RAD51B: variants seen among roughly 807,000 people sequenced by gnomAD.
RAD51B encodes the protein RAD51 paralog B, also known as DNA repair protein RAD51 homolog 2.
In RAD51B, 38 loss-of-function variants were observed where a neutral mutation model predicts 42.2. The observed-to-expected ratio is 0.90, with a 90% CI of 0.70 to 1.18. RAD51B has a LOEUF of 1.18. RAD51B is among the 50% of genes most tolerant of loss of function. The pLI is 0.00. For synonymous variants in RAD51B, 154 were observed against 145.2 expected (o/e 1.06, Z -0.43); for missense variants, 373 against 400.7 (o/e 0.93, Z 0.59).
chr14:68,243,583 G>A (rs1159116179), intron 7 of RAD51B, among the ~76,000 whole-genome samples: 2 of 152,110 alleles, frequency 1.3e-5, no homozygotes, highest in Admixed American at 6.5e-5. Context: ...CTGTGGGTAT[G>A]GTTTGGAGCC....
intron 7 of RAD51B, among the ~76,000 whole-genome samples, chr14:68,082,243 A>C (rs142259161): frequency 1.5e-4 from 23 of 152,260 alleles, no homozygotes; most frequent in African/African-American, 5.1e-4. Context: ...TATAGATGTG[A>C]GCCACTGCGC....
intron 10 of RAD51B, among the ~76,000 whole-genome samples, chr14:68,636,265 A>C (rs564244019): frequency 6.6e-6 from 1 of 152,144 alleles, no homozygotes; most frequent in East Asian, 1.9e-4. Flanking sequence ...GGACATTCAG[A>C]TAAGTGTTCA....
At chr14:67,871,899 A>G (rs1356476174) in intron 5 of RAD51B, among the ~76,000 whole-genome samples, 1 of 152,128 alleles carries the variant, frequency 6.6e-6, no homozygotes, top group Non-Finnish European at 1.5e-5. Flanking sequence ...CCTTCATGCT[A>G]AAAACTCTCA....
intron 7 of RAD51B, among the ~76,000 whole-genome samples, chr14:67,976,832 T>A (rs2075004593): frequency 6.6e-6 from 1 of 152,176 alleles, no homozygotes; most frequent in Admixed American, 6.5e-5. Context: ...AGAGGGCTAA[T>A]ATCCAGAATC....
chr14:68,554,698 G>C (rs1402626047), intron 10 of RAD51B, among the ~76,000 whole-genome samples: 1 of 151,624 alleles, frequency 6.6e-6, no homozygotes, highest in Non-Finnish European at 1.5e-5. Flanking sequence ...GTTTCTTTTT[G>C]TTTTCTCTAC....
chr14:68,447,301 C>A (rs1269704323), intron 9 of RAD51B, among the ~76,000 whole-genome samples: 2 of 152,076 alleles, frequency 1.3e-5, no homozygotes, highest in Non-Finnish European at 2.9e-5. Flanking sequence ...ATAATGAGAA[C>A]CTGTATTGTT....
chr14:68,372,450 G>A (rs2083284031), intron 8 of RAD51B, among the ~76,000 whole-genome samples: 1 of 152,084 alleles, frequency 6.6e-6, no homozygotes, highest in Admixed American at 6.5e-5. Flanking sequence ...GGAGAGGAAA[G>A]GATAGGTAAC....
intron 11 of RAD51B, among the ~76,000 whole-genome samples, chr14:68,677,410 C>A (rs148078929): frequency 6.6e-6 from 1 of 152,170 alleles, no homozygotes; most frequent in Non-Finnish European, 1.5e-5. Flanking sequence ...CATACGTGCT[C>A]CCTCCAGTAT....
At chr14:68,578,891 T>C (rs2140054673) in intron 10 of RAD51B, among the ~76,000 whole-genome samples, 1 of 152,282 alleles carries the variant, frequency 6.6e-6, no homozygotes, top group Non-Finnish European at 1.5e-5. Context: ...ATATCAAGGG[T>C]TCAGGGGGCT....
intron 8 of RAD51B, among the ~76,000 whole-genome samples, chr14:68,314,619 A>G (rs2082021407): frequency 6.6e-6 from 1 of 152,140 alleles, no homozygotes; most frequent in African/African-American, 2.4e-5. Flanking sequence ...CCATGGTGCC[A>G]CTTCATTTCA....
At chr14:68,217,745 A>G (rs1175675638) in intron 7 of RAD51B, among the ~76,000 whole-genome samples, 1 of 152,260 alleles carries the variant, frequency 6.6e-6, no homozygotes, top group Admixed American at 6.5e-5. Flanking sequence ...GAATGAAACC[A>G]GAAGAATTTG....
At chr14:67,931,669 A>AT (rs1230505540) in intron 7 of RAD51B, among the ~76,000 whole-genome samples, 1 of 151,424 alleles carries the variant, frequency 6.6e-6, no homozygotes, top group Non-Finnish European at 1.5e-5. Context: ...CGCCTGGCTA[A>AT]TTTTTTGTAT....
chr14:68,493,946 G>T (rs1326208584), intron 10 of RAD51B, among the ~76,000 whole-genome samples: 1 of 152,166 alleles, frequency 6.6e-6, no homozygotes, highest in Admixed American at 6.5e-5. Flanking sequence ...AAAGGCTCCA[G>T]GTTGGAGGAG....
chr14:68,240,073 C>A (rs2080349966), intron 7 of RAD51B, among the ~76,000 whole-genome samples: 2 of 152,350 alleles, frequency 1.3e-5, no homozygotes, highest in South Asian at 4.1e-4. Context: ...CCAGGAGCCG[C>A]AGCCTCACTC....
intron 10 of RAD51B, among the ~76,000 whole-genome samples, chr14:68,473,182 A>G (rs2066345460): frequency 6.6e-6 from 1 of 152,230 alleles, no homozygotes; most frequent in Non-Finnish European, 1.5e-5. Flanking sequence ...TCTGCATGGT[A>G]AATACCACCT....
chr14:68,585,487 T>G (rs1890417598), intron 10 of RAD51B, among the ~76,000 whole-genome samples: 1 of 152,102 alleles, frequency 6.6e-6, no homozygotes, highest in East Asian at 1.9e-4. Context: ...AACCAAGGAA[T>G]AGCCAAACAG....
At chr14:67,925,804 T>G (rs2044487091) in intron 7 of RAD51B, among the ~76,000 whole-genome samples, 1 of 152,244 alleles carries the variant, frequency 6.6e-6, no homozygotes, top group African/African-American at 2.4e-5. Context: ...TCTTGACTTC[T>G]GTGCACTGGC....
intron 4 of RAD51B, among the ~76,000 whole-genome samples, chr14:67,848,028 G>A (rs1474613180): frequency 6.6e-6 from 1 of 151,966 alleles, no homozygotes; most frequent in African/African-American, 2.4e-5. Context: ...CTTTTTTGTT[G>A]TTGTTGTTAA....
At chr14:68,158,548 T>C (rs989278340) in intron 7 of RAD51B, among the ~76,000 whole-genome samples, 10 of 152,242 alleles carry the variant, frequency 6.6e-5, no homozygotes, top group African/African-American at 2.2e-4. Flanking sequence ...TCAGTTAATA[T>C]ACTTTAACAC....
Sources: gnomAD v4.1 joint callset for allele counts (sites outside exome capture counted in the v4.1 genomes callset) on GRCh38, gnomAD v4.1.1 for gene constraint, MANE v1.5 for transcripts, NCBI Gene and HGNC (gene_info 2026-07-23, HGNC 2026-07-21) for gene names.